Variants in LOXHD1 observed in about 807,000 individuals in gnomAD.
LOXHD1 encodes lipoxygenase homology PLAT domains 1.
LOXHD1 carries 205 observed loss-of-function variants against 248.2 expected under a neutral mutation model. That is an observed-to-expected ratio of 0.83 (90% CI 0.74 to 0.93). The LOEUF is 0.93. LOXHD1 is among the 40% of genes least tolerant of loss of function. LOXHD1 has a pLI of 0.00. For missense variants in LOXHD1, 2,930 were observed against 2,971.6 expected (o/e 0.99, Z 0.33); for synonymous variants, 1,113 against 1,162.8 (o/e 0.96, Z 0.87).
chr18:46,484,659 C>T (rs1277436517), intron 39 of LOXHD1, among the ~76,000 whole-genome samples: 1 of 152,148 alleles, frequency 6.6e-6, no homozygotes, highest in Non-Finnish European at 1.5e-5. Flanking sequence ...GAGGTGGAGG[C>T]TGTCTCAGCA....
intron 18 of LOXHD1, among the ~76,000 whole-genome samples, chr18:46,561,061 A>G (rs1018690981): frequency 3.3e-5 from 5 of 152,172 alleles, no homozygotes; most frequent in African/African-American, 1.2e-4. Flanking sequence ...TTTCGTAATA[A>G]GCAAAAAACA....
intron 27 of LOXHD1, chr18:46,533,745 GA>G: frequency 3.1e-6 from 1 of 324,296 alleles, no homozygotes; most frequent in South Asian, 2.5e-5. Context: ...CCAACATGGT[GA>G]AACCCCATCT....
chr18:46,614,722 A>AAATAAAT (rs541836853), intron 5 of LOXHD1, among the ~76,000 whole-genome samples: 2 of 104,262 alleles, frequency 1.9e-5, no homozygotes, highest in African/African-American at 6.0e-5. Flanking sequence ...GTATAATAAT[A>AAATAAAT]AATAAATAAA....
In LOXHD1 at chr18:46,577,208, T is replaced by C. The variant is rs149893871; in HGVS notation, c.1970+499A>G. On this transcript the variant is annotated intron_variant, in intron 14 of 40. Transcript: ENST00000642948. ...TCTATCAGGGACTTCTTTAAGTCAATGGGAGCCCAAATGCTTAAGCAAAAA... is the reference window on the plus strand; with the variant it reads ...TCTATCAGGGACTTCTTTAAGTCAACGGGAGCCCAAATGCTTAAGCAAAAA... 6.4e-3 allele frequency among the ~76,000 whole-genome samples: 971 copies of C among 152,294 alleles called. 11 individuals carry two copies. Among genetic ancestry groups the C allele is most frequent in the African/African-American group, 0.023 (939 of 41,564 alleles).
In LOXHD1 at chr18:46,563,124, C is replaced by T. The variant is rs1442480385; in HGVS notation, c.2539G>A (p.Val847Met). Residue 847 changes from valine (V) to methionine (M), a missense_variant, in exon 18 of 41, where the codon GTG becomes ATG. Transcript: ENST00000642948. ...QIYGEKGKTE[V>M]LFLSSRSKVF... ...TTTGAGCGGCTGGAGAGGAAGAGCA[C>T]TTCTGTCTTGCCTTTCTCTCCATAG... The T allele has an allele frequency of 8.4e-6, 13 of 1,546,792 alleles. No individual in the cohort carries two copies. Among genetic ancestry groups the T allele is most frequent in the Non-Finnish European group, 8.7e-6 (10 of 1,142,924 alleles).
intron 34 of LOXHD1, among the ~76,000 whole-genome samples, chr18:46,517,541 A>C (rs1342024762): frequency 1.3e-5 from 2 of 152,202 alleles, no homozygotes; most frequent in Non-Finnish European, 2.9e-5. Context: ...GCTTCTATAA[A>C]TGTTAGTGTT....
In LOXHD1 at chr18:46,542,966, C is replaced by T. The variant is rs1375790195; in HGVS notation, c.3620-111G>A. 2.8e-6 allele frequency: 4 copies of T among 1,425,148 alleles called. No homozygotes were observed. The Admixed American group carries it at 8.6e-5, about 31-fold the overall frequency. The allele number at this position is 1,425,148 out of a possible 1,614,324, so 88.3% of individuals were successfully genotyped here. ...AATGACCAAATTTCTGAACTTCCAC[C>T]AAATTTAGACTGTGCAATTATCATC... is the stretch of plus-strand genomic sequence containing the variant. On this transcript the variant is annotated intron_variant, in intron 23 of 40. Coordinates refer to ENST00000642948, the MANE Select transcript of LOXHD1 (RefSeq NM_001384474.1).
chr18:46,558,190 T>C (rs1032334709), intron 20 of LOXHD1: 4 of 390,216 alleles, frequency 1.0e-5, no homozygotes, highest in Non-Finnish European at 1.4e-5. Context: ...TGCACTTATT[T>C]GTAACATTTG....
At chr18:46,547,464 G>A (rs907486074) in intron 21 of LOXHD1, among the ~76,000 whole-genome samples, 1 of 152,208 alleles carries the variant, frequency 6.6e-6, no homozygotes, top group African/African-American at 2.4e-5. Context: ...CATAAGTGTT[G>A]AACTAATGGA....
At chr18:46,636,134 A>T (rs1260402670) in intron 4 of LOXHD1, among the ~76,000 whole-genome samples, 1 of 152,082 alleles carries the variant, frequency 6.6e-6, no homozygotes, top group Non-Finnish European at 1.5e-5. Context: ...CTTCCCTTGA[A>T]ACCTCCTGTC....
chr18:46,584,749 T>C lies in LOXHD1; in HGVS notation c.1655-4965A>G, dbSNP rs755269723. Among the ~76,000 whole-genome samples, 103 of 152,096 alleles carry C rather than the reference T, an allele frequency of 6.8e-4. 1 individual carries two copies. Among genetic ancestry groups the C allele is most frequent in the Middle Eastern group, 3.4e-3 (1 of 294 alleles). On this transcript the variant is annotated intron_variant, in intron 12 of 40. Coordinates refer to ENST00000642948, the MANE Select transcript of LOXHD1 (RefSeq NM_001384474.1). Reference sequence around the variant, plus strand: ...GCCAGCATTACCCTGGTACCAAAACTGACAAAGACGTCATAAGAAAACTAC... The same window carrying C: ...GCCAGCATTACCCTGGTACCAAAACCGACAAAGACGTCATAAGAAAACTAC...
intron 21 of LOXHD1, among the ~76,000 whole-genome samples, chr18:46,555,546 A>G (rs1191145076): frequency 3.3e-5 from 5 of 152,196 alleles, no homozygotes. Context: ...GGGGAGCCCA[A>G]CAAGTCTATG....
chr18:46,599,857 A>G (rs1417126881), intron 8 of LOXHD1, among the ~76,000 whole-genome samples: 1 of 152,218 alleles, frequency 6.6e-6, no homozygotes, highest in Non-Finnish European at 1.5e-5. Flanking sequence ...AATTAAAACC[A>G]CAACAGGATC....
At chr18:46,601,662 G>A in intron 7 of LOXHD1, 195 bp from the exon 8 acceptor site, 1 of 693,378 alleles carries the variant, frequency 1.4e-6, no homozygotes, top group South Asian at 1.7e-5. Context: ...CAGAGTTTGT[G>A]TGTCCAATGC....
intron 34 of LOXHD1, among the ~76,000 whole-genome samples, chr18:46,512,951 T>A (rs1017700247): frequency 5.3e-5 from 8 of 152,148 alleles, no homozygotes; most frequent in Non-Finnish European, 1.0e-4. Flanking sequence ...ATAAGATATA[T>A]GGCCTGATTC....
chr18:46,485,004 GCCTCC>G lies in LOXHD1; in HGVS notation c.6182+10_6182+14del. Reference sequence around the variant, plus strand: ...ACCCACCCCCCACCACTTCCCATGGGCCTCCCCTTCCTACTTCCTAAAGGCCCGCT... The same window carrying G: ...ACCCACCCCCCACCACTTCCCATGGGCCTTCCTACTTCCTAAAGGCCCGCT... On this transcript the variant is annotated intron_variant, in intron 39 of 40. Transcript: ENST00000642948. The G allele has an allele frequency of 6.5e-7, 1 of 1,549,960 alleles. No homozygotes were observed. Among genetic ancestry groups the G allele is most frequent in the Non-Finnish European group, 8.7e-7 (1 of 1,145,784 alleles).
intron 12 of LOXHD1, among the ~76,000 whole-genome samples, chr18:46,588,992 C>T (rs2038114618): frequency 6.6e-6 from 1 of 152,094 alleles, no homozygotes; most frequent in Admixed American, 6.5e-5. Context: ...GGGATGATCC[C>T]AAATTAAGTG....
rs2037930816 is a variant in LOXHD1 at position 46,579,877 on chromosome 18, C to T, written c.1655-93G>A. On this transcript the variant is annotated intron_variant, in intron 12 of 40. Coordinates refer to ENST00000642948, the MANE Select transcript of LOXHD1 (RefSeq NM_001384474.1). The stretch of plus-strand genomic sequence containing the variant: ...CCACTTCTAAGCTCTGATTCCTCCT[C>T]TCCTTCTAGTTCTCATCTGGGCTGA... The T allele has an allele frequency of 7.0e-6, 10 of 1,421,028 alleles. No homozygotes were observed. In the Admixed American group the frequency reaches 1.1e-4, roughly 16 times the overall value. 88.0% of individuals were successfully genotyped at this position (1,421,028 alleles called of 1,614,324 possible).
At chr18:46,583,597 A>T (rs2038002614) in intron 12 of LOXHD1, among the ~76,000 whole-genome samples, 1 of 152,292 alleles carries the variant, frequency 6.6e-6, no homozygotes, top group Admixed American at 6.5e-5. Context: ...AAAGTTCAAC[A>T]TCACTAATCA....
Sources: gnomAD v4.1 joint callset for allele counts (sites outside exome capture counted in the v4.1 genomes callset) on GRCh38, gnomAD v4.1.1 for gene constraint, MANE v1.5 for transcripts, NCBI Gene and HGNC (gene_info 2026-07-23, HGNC 2026-07-21) for gene names.